CAMK4: variants seen among roughly 807,000 people sequenced by gnomAD.
CAMK4 encodes the protein calcium/calmodulin-dependent protein kinase type IV.
CAMK4 carries 22 observed loss-of-function variants against 44.9 expected under a neutral mutation model. The ratio of observed to expected loss-of-function variants is 0.49; its 90% CI spans 0.35 to 0.70. The LOEUF is 0.70. CAMK4 is among the 30% of genes least tolerant of loss of function. CAMK4 has a pLI of 0.01. For synonymous variants in CAMK4, 218 were observed against 215.4 expected (o/e 1.01, Z -0.11); for missense variants, 498 against 586.8 (o/e 0.85, Z 1.56).
At chr5:111,423,689 A>G (rs1753111996) in intron 5 of CAMK4, among the ~76,000 whole-genome samples, 1 of 152,206 alleles carries the variant, frequency 6.6e-6, no homozygotes, top group Non-Finnish European at 1.5e-5. Flanking sequence ...ACTGATTCAC[A>G]ACATTTATTA....
At chr5:111,332,262 A>G (rs1393806879) in intron 1 of CAMK4, among the ~76,000 whole-genome samples, 1 of 113,444 alleles carries the variant, frequency 8.8e-6, no homozygotes, top group East Asian at 3.0e-4. Flanking sequence ...CCGGAGTGTG[A>G]TGTTCCCCTT....
At chr5:111,442,373 T>C (rs1753855311) in intron 5 of CAMK4, among the ~76,000 whole-genome samples, 2 of 152,064 alleles carry the variant, frequency 1.3e-5, no homozygotes, top group African/African-American at 4.8e-5. Flanking sequence ...GGCGCGTGCC[T>C]GTTGTCCCAG....
At chr5:111,308,666 A>C (rs948505509) in intron 1 of CAMK4, among the ~76,000 whole-genome samples, 5 of 152,206 alleles carry the variant, frequency 3.3e-5, no homozygotes, top group Admixed American at 3.3e-4. Flanking sequence ...TTTGACTCAG[A>C]TTTCAGGAAA....
chr5:111,241,707 A>T (rs538741810), intron 1 of CAMK4, among the ~76,000 whole-genome samples: 5 of 152,352 alleles, frequency 3.3e-5, no homozygotes, highest in Non-Finnish European at 7.3e-5. Flanking sequence ...ATATATATAA[A>T]ATAATGATTG....
chr5:111,331,064 G>A (rs1307142063), intron 1 of CAMK4, among the ~76,000 whole-genome samples: 1 of 151,608 alleles, frequency 6.6e-6, no homozygotes, highest in Non-Finnish European at 1.5e-5. Flanking sequence ...GATGAGCAAT[G>A]ATTTCTTAGA....
intron 1 of CAMK4, among the ~76,000 whole-genome samples, chr5:111,328,407 AC>A (rs1748998654): frequency 6.6e-6 from 1 of 152,026 alleles, no homozygotes; most frequent in African/African-American, 2.4e-5. Flanking sequence ...TGTTTTGGTT[AC>A]TGTAACCTTG....
intron 2 of CAMK4, among the ~76,000 whole-genome samples, chr5:111,353,842 T>C (rs951898403): frequency 6.6e-6 from 1 of 152,078 alleles, no homozygotes; most frequent in African/African-American, 2.4e-5. Flanking sequence ...TGAAAGAAAC[T>C]GAAAGCACAC....
chr5:111,259,635 G>A (rs189110293), intron 1 of CAMK4, among the ~76,000 whole-genome samples: 132 of 152,254 alleles, frequency 8.7e-4, no homozygotes, highest in Admixed American at 1.9e-3. Context: ...AGTCATTGGT[G>A]TCCTTTGAAA....
At chr5:111,398,434 A>G (rs1752100347) in intron 5 of CAMK4, among the ~76,000 whole-genome samples, 1 of 152,156 alleles carries the variant, frequency 6.6e-6, no homozygotes, top group Non-Finnish European at 1.5e-5. Context: ...ACCAAAAGGC[A>G]TACCTTTTTC....
chr5:111,269,874 G>A (rs1281108255), intron 1 of CAMK4: 1 of 152,264 alleles, frequency 6.6e-6, no homozygotes, highest in Admixed American at 6.5e-5. Flanking sequence ...CCACTAACCA[G>A]TCTGTCCCGT....
intron 2 of CAMK4, among the ~76,000 whole-genome samples, chr5:111,353,980 G>A (rs1218994937): frequency 2.6e-5 from 4 of 152,010 alleles, no homozygotes; most frequent in African/African-American, 9.7e-5. Context: ...AGGAAATAAG[G>A]TCAATATATT....
chr5:111,349,118 A>T (rs1232486301), intron 2 of CAMK4, among the ~76,000 whole-genome samples: 1 of 151,944 alleles, frequency 6.6e-6, no homozygotes, highest in African/African-American at 2.4e-5. Flanking sequence ...TTTTCCACTT[A>T]GTATTAGTGA....
At chr5:111,289,354 G>C (rs1751356728) in intron 1 of CAMK4, among the ~76,000 whole-genome samples, 1 of 152,050 alleles carries the variant, frequency 6.6e-6, no homozygotes, top group African/African-American at 2.4e-5. Context: ...TCTCAAAAAA[G>C]AAGAAAAAGA....
chr5:111,441,398 C>T (rs1211075956), intron 5 of CAMK4, among the ~76,000 whole-genome samples: 1 of 152,174 alleles, frequency 6.6e-6, no homozygotes, highest in Non-Finnish European at 1.5e-5. Flanking sequence ...CTGACTCCTA[C>T]TATTTCTTTT....
Position 111,364,921 on chromosome 5 carries a change from A to G in CAMK4, c.241-9929A>G, listed in dbSNP as rs900741261. On this transcript the variant is annotated intron_variant, in intron 2 of 10. Transcript: ENST00000282356. ...ATGGAGTATTGGTTTTCCTTACAAT[A>G]TCAGTCTCCTTCTTGTTCCAGCACA... The G allele has an allele frequency of 6.6e-5, 10 of 152,310 alleles. 1 individual carries two copies. Among genetic ancestry groups the G allele is most frequent in the Admixed American group, 5.2e-4 (8 of 15,260 alleles). 9.4% of individuals were successfully genotyped at this position (152,310 alleles called of 1,614,324 possible). A position where few individuals can be genotyped will look rare whatever the true frequency, so the allele number is the denominator to read the frequency against.
At chr5:111,328,491 C>A (rs989411781) in intron 1 of CAMK4, among the ~76,000 whole-genome samples, 1 of 151,946 alleles carries the variant, frequency 6.6e-6, no homozygotes, top group Non-Finnish European at 1.5e-5. Flanking sequence ...CTTGGCGATG[C>A]GGGCTCTTTT....
chr5:111,392,912 A>T (rs954607670), intron 4 of CAMK4, among the ~76,000 whole-genome samples: 5 of 152,238 alleles, frequency 3.3e-5, no homozygotes, highest in African/African-American at 1.2e-4. Context: ...TGCATAGCCT[A>T]TTACTGACCC....
chr5:111,264,752 G>A (rs1391439957), intron 1 of CAMK4, among the ~76,000 whole-genome samples: 1 of 152,108 alleles, frequency 6.6e-6, no homozygotes, highest in African/African-American at 2.4e-5. Flanking sequence ...ATGGAACCAG[G>A]ATCTCTTTTG....
intron 1 of CAMK4, among the ~76,000 whole-genome samples, chr5:111,322,725 G>C (rs1018615642): frequency 1.3e-5 from 2 of 151,954 alleles, no homozygotes; most frequent in Admixed American, 1.3e-4. Context: ...GATAAAGACT[G>C]TAAAACAAAT....
Sources: gnomAD v4.1 joint callset for allele counts (sites outside exome capture counted in the v4.1 genomes callset) on GRCh38, gnomAD v4.1.1 for gene constraint, MANE v1.5 for transcripts, NCBI Gene and HGNC (gene_info 2026-07-23, HGNC 2026-07-21) for gene names.